Variants in PPM1L observed in about 807,000 individuals in gnomAD.
PPM1L encodes the protein protein phosphatase 1L.
A neutral mutation model predicts 31.4 loss-of-function variants in PPM1L; 13 were observed. The ratio of observed to expected loss-of-function variants is 0.41; its 90% CI spans 0.27 to 0.66. The LOEUF (loss-of-function observed/expected upper bound fraction) is 0.66. Ranked by LOEUF, PPM1L falls within the 30% of genes least tolerant of loss-of-function variation. The pLI, the probability that PPM1L is intolerant of heterozygous loss-of-function variation, is 0.29. For missense variants in PPM1L, 326 were observed against 453.7 expected, an observed-to-expected ratio of 0.72 and a Z score of 2.56; for synonymous variants, 184 against 175.4, an observed-to-expected ratio of 1.05 and a Z score of -0.39.
intron 1 of PPM1L, among the ~76,000 whole-genome samples, chr3:160,794,823 T>C (rs1322057303): frequency 6.6e-6 from 1 of 152,170 alleles, no homozygotes; most frequent in East Asian, 1.9e-4. Context: ...TAAGAAAGTT[T>C]ACAAATTTGT....
At chr3:161,010,016 A>G (rs751689232) in intron 2 of PPM1L, among the ~76,000 whole-genome samples, 1 of 151,310 alleles carries the variant, frequency 6.6e-6, no homozygotes, top group Admixed American at 6.6e-5. Flanking sequence ...TCTAATTTAT[A>G]CTTATACTTT....
At chr3:160,837,453 T>A (rs1576662606) in intron 1 of PPM1L, among the ~76,000 whole-genome samples, 1 of 152,230 alleles carries the variant, frequency 6.6e-6, no homozygotes, top group East Asian at 1.9e-4. Context: ...AAGATAAAGT[T>A]GTGCATGTAG....
intron 1 of PPM1L, among the ~76,000 whole-genome samples, chr3:160,891,474 A>G (rs1231727939): frequency 2.6e-5 from 4 of 152,192 alleles, no homozygotes; most frequent in South Asian, 2.1e-4. Context: ...CAGAATGGTG[A>G]TTATTAAAAA....
chr3:161,016,099 ATTAG>A (rs1206001139), intron 2 of PPM1L, among the ~76,000 whole-genome samples: 3 of 152,120 alleles, frequency 2.0e-5, no homozygotes, highest in African/African-American at 2.4e-5. Flanking sequence ...ACACTTCGGA[ATTAG>A]TTATTTATAC....
At position 161,029,091 on chromosome 3, in the gene PPM1L, G is replaced by A. The variant is rs541484479; in HGVS notation, c.575-36312G>A. On this transcript the variant is annotated intron_variant, in intron 2 of 3. Transcript: ENST00000498165. ...CACATATACAAACAAACAAACAAAC[G>A]AAACCTAACTGTATGTATGTAGTCT... 3.9e-4 allele frequency among the ~76,000 whole-genome samples: 60 copies of A among 152,200 alleles called. 1 individual carries two copies. The South Asian group carries it at 0.011, about 27-fold the overall frequency.
rs546750539 is a variant in PPM1L at position 161,049,003 on chromosome 3, G to A, written c.575-16400G>A. ...TAAATGACGAGTTAATGGGTGCAGC[G>A]CACCAACATGGCACATATATACATA... is the stretch of plus-strand genomic sequence containing the variant. On this transcript the variant is annotated intron_variant, in intron 2 of 3. Transcript: ENST00000498165. Among the ~76,000 whole-genome samples, 594 of 150,412 alleles carry A rather than the reference G, an allele frequency of 3.9e-3. 2 individuals carry two copies. Among genetic ancestry groups the A allele is most frequent in the Middle Eastern group, 0.027 (8 of 292 alleles).
chr3:161,069,141 A>G lies in PPM1L; in HGVS notation c.1067A>G (p.Lys356Arg), dbSNP rs763351583. The G allele has an allele frequency of 1.2e-6, 2 of 1,613,568 alleles. No homozygotes were observed. The highest frequency in any genetic ancestry group is 4.5e-5 in the East Asian group (2 of 44,872). Residue 356 changes from lysine (K) to arginine (R), a missense_variant, in exon 4 of 4, where the codon AAA becomes AGA. Transcript: ENST00000498165. ...VMVVKFRNSSKTEEQ is the reference protein window; with the variant it reads ...VMVVKFRNSSRTEEQ ...GTGGTGAAGTTCAGAAATAGCAGCA[A>G]AACAGAAGAGCAGTGAACCCTTCAG...
Position 160,756,389 on chromosome 3 carries a change from C to T in PPM1L, c.81C>T (p.Phe27=). ...TCTTGCTGAGACCCGAGACGCTTTT[C>T]CTGCTGTGCATCAGCTTGGCTCTAT... ...RYFLLRPETL[F]LLCISLALWS... The change falls in exon 1 of 4, where the codon TTC becomes TTT. Residue 27 remains phenylalanine, a synonymous_variant. Coordinates refer to ENST00000498165, the MANE Select transcript of PPM1L (RefSeq NM_139245.4). The surrounding 1 kb of genome is among the most constrained non-coding windows in gnomAD (Gnocchi z 6.2). 1.2e-6 allele frequency: 2 copies of T among 1,614,234 alleles called. No homozygotes were observed. Among genetic ancestry groups the T allele is most frequent in the African/African-American group, 1.3e-5 (1 of 75,070 alleles).
At chr3:160,978,771 A>C (rs1417226293) in intron 2 of PPM1L, among the ~76,000 whole-genome samples, 2 of 152,282 alleles carry the variant, frequency 1.3e-5, no homozygotes, top group East Asian at 3.9e-4. Context: ...TTGAGGTTGC[A>C]GTGAGCCGTG....
At chr3:160,822,198 C>A (rs187201636) in intron 1 of PPM1L, among the ~76,000 whole-genome samples, 2 of 151,624 alleles carry the variant, frequency 1.3e-5, no homozygotes, top group African/African-American at 4.8e-5. Flanking sequence ...TTCCTTTTAG[C>A]TTTTTTTTCT....
At chr3:161,010,390 A>G (rs1559923295) in intron 2 of PPM1L, among the ~76,000 whole-genome samples, 1 of 152,102 alleles carries the variant, frequency 6.6e-6, no homozygotes, top group Non-Finnish European at 1.5e-5. Context: ...TCCATGGTGT[A>G]TATGTGCCAC....
chr3:160,946,311 C>T (rs913881082), intron 1 of PPM1L, among the ~76,000 whole-genome samples: 3 of 152,102 alleles, frequency 2.0e-5, no homozygotes, highest in Non-Finnish European at 2.9e-5. Context: ...GATAATCATA[C>T]CTACCTTGCA....
At chr3:160,963,342 G>T (rs749875524) in intron 2 of PPM1L, among the ~76,000 whole-genome samples, 1 of 151,980 alleles carries the variant, frequency 6.6e-6, no homozygotes, top group Non-Finnish European at 1.5e-5. Flanking sequence ...AGCAATTGTT[G>T]AATGCACGGC....
intron 1 of PPM1L, among the ~76,000 whole-genome samples, chr3:160,833,328 G>C (rs969407513): frequency 6.6e-5 from 10 of 151,982 alleles, no homozygotes; most frequent in African/African-American, 2.2e-4. Flanking sequence ...AGGTATTTGA[G>C]GTTCTAGGTA....
intron 2 of PPM1L, among the ~76,000 whole-genome samples, chr3:161,044,645 C>T (rs1178506819): frequency 6.6e-6 from 1 of 152,036 alleles, no homozygotes; most frequent in Non-Finnish European, 1.5e-5. Flanking sequence ...AAGGAACAAC[C>T]AGTACCAGCC....
intron 1 of PPM1L, among the ~76,000 whole-genome samples, chr3:160,892,607 A>G (rs1163204448): frequency 6.6e-6 from 1 of 152,076 alleles, no homozygotes; most frequent in East Asian, 1.9e-4. Flanking sequence ...TTCAAACCAA[A>G]CTATACAATG....
chr3:160,863,639 G>A (rs1247489678), intron 1 of PPM1L, among the ~76,000 whole-genome samples: 2 of 152,100 alleles, frequency 1.3e-5, no homozygotes, highest in South Asian at 4.2e-4. Flanking sequence ...GGACTGTGAG[G>A]GGGCAGTCTA....
chr3:160,759,223 G>A (rs1056350916), intron 1 of PPM1L, among the ~76,000 whole-genome samples: 9 of 152,074 alleles, frequency 5.9e-5, no homozygotes, highest in African/African-American at 2.2e-4. Flanking sequence ...TATTATTTAT[G>A]TATATTCTAG....
At chr3:160,928,566 T>G (rs1167009494) in intron 1 of PPM1L, among the ~76,000 whole-genome samples, 1 of 152,204 alleles carries the variant, frequency 6.6e-6, no homozygotes, top group Non-Finnish European at 1.5e-5. Context: ...ACAAAGAGTA[T>G]CAGTGCTATG....
Sources: gnomAD v4.1 joint callset for allele counts (sites outside exome capture counted in the v4.1 genomes callset) on GRCh38, gnomAD v4.1.1 for gene constraint, Gnocchi (gnomAD v3.1) non-coding constraint, MANE v1.5 for transcripts, NCBI Gene and HGNC (gene_info 2026-07-23, HGNC 2026-07-21) for gene names.